WDPCP: variants seen among roughly 807,000 people sequenced by gnomAD.
The protein encoded by WDPCP is WD repeat-containing and planar cell polarity effector protein fritz homolog.
A neutral mutation model predicts 93.1 loss-of-function variants in WDPCP; 71 were observed. The observed-to-expected ratio is 0.76, with a 90% CI of 0.63 to 0.93. The LOEUF (loss-of-function observed/expected upper bound fraction) is 0.93, where lower values mean the gene tolerates loss of function less well. Ranked by LOEUF, WDPCP falls within the 40% of genes least tolerant of loss-of-function variation. The probability of loss-of-function intolerance (pLI) is 0.00; values close to 1 mark genes in which losing one functional copy is unlikely to be tolerated. For synonymous variants in WDPCP, 315 were observed against 315.0 expected (o/e 1.00, Z 0.00); for missense variants, 844 against 887.4 (o/e 0.95, Z 0.62).
intron 1 of WDPCP, among the ~76,000 whole-genome samples, chr2:63,532,446 G>T (rs1228071502): frequency 2.0e-5 from 3 of 152,110 alleles, no homozygotes; most frequent in Non-Finnish European, 4.4e-5. Context: ...AATATGTTAA[G>T]GGCAGCCAGA....
intron 12 of WDPCP, among the ~76,000 whole-genome samples, chr2:63,341,827 TTTTA>T (rs1688861211): frequency 6.6e-6 from 1 of 152,248 alleles, no homozygotes; most frequent in African/African-American, 2.4e-5. Context: ...TAGCATCTTA[TTTTA>T]TTTGTTATTA....
intron 10 of WDPCP, among the ~76,000 whole-genome samples, chr2:63,397,071 C>A (rs139153924): frequency 8.5e-5 from 13 of 152,070 alleles, no homozygotes; most frequent in Admixed American, 3.3e-4. Flanking sequence ...GGATTAACTG[C>A]GGAGTAGGAT....
chr2:63,263,453 A>G (rs796597526), intron 13 of WDPCP, among the ~76,000 whole-genome samples: 3 of 152,038 alleles, frequency 2.0e-5, no homozygotes, highest in South Asian at 4.1e-4. Context: ...ATTTGGCCCA[A>G]TTTCCTTTCT....
At chr2:63,335,772 T>C (rs1265147560) in intron 12 of WDPCP, among the ~76,000 whole-genome samples, 1 of 152,170 alleles carries the variant, frequency 6.6e-6, no homozygotes, top group East Asian at 1.9e-4. Flanking sequence ...TGAAACCTAC[T>C]GGGCTGCAAC....
chr2:63,240,289 T>G (rs754372486), intron 14 of WDPCP, among the ~76,000 whole-genome samples: 8 of 152,076 alleles, frequency 5.3e-5, no homozygotes, highest in Non-Finnish European at 8.8e-5. Flanking sequence ...GTGATCCTCC[T>G]ACCTCAGCCT....
chr2:63,378,524 CAT>C lies in WDPCP; in HGVS notation c.1625-17_1625-16del. On this transcript the variant is annotated splice_polypyrimidine_tract_variant and intron_variant, in intron 11 of 17. Coordinates refer to ENST00000272321, the MANE Select transcript of WDPCP (RefSeq NM_015910.7). ...CTCAAGCTGTGCTGTGGAATTCAAA[CAT>C]AGCAGCACTAAAACAAGTGAAAACT... The C allele has an allele frequency of 1.2e-6, 2 of 1,612,850 alleles. No homozygotes were observed. The highest frequency in any genetic ancestry group is 1.7e-6 in the Non-Finnish European group (2 of 1,179,186).
Position 63,670,341 on chromosome 2 carries a change from T to C in WDPCP, n.309-19503A>G, listed in dbSNP as rs550015242. Among the ~76,000 whole-genome samples, 16 of 152,274 alleles carry C rather than the reference T, an allele frequency of 1.1e-4. 1 individual carries two copies. Among genetic ancestry groups the C allele is most frequent in the African/African-American group, 3.6e-4 (15 of 41,538 alleles). ...TCTGGCTACAGAGCCCCTTTTCCTC[T>C]GTTCTCCCATCCCAGTGACTGCCCA... On this transcript the variant is annotated intron_variant and non_coding_transcript_variant, in intron 2 of 4. Coordinates refer to the WDPCP transcript ENST00000467687.
chr2:63,757,134 A>C (rs192302417), intron 2 of WDPCP, among the ~76,000 whole-genome samples: 48 of 152,332 alleles, frequency 3.2e-4, no homozygotes, highest in Admixed American at 7.8e-4. Flanking sequence ...TGTCCACTTT[A>C]GATTCAGTCA....
chr2:63,265,596 A>C (rs966409162), intron 13 of WDPCP, among the ~76,000 whole-genome samples: 3 of 152,210 alleles, frequency 2.0e-5, no homozygotes, highest in Non-Finnish European at 4.4e-5. Context: ...CTGAAAGAAA[A>C]AGTAAAACCA....
At chr2:63,340,766 GGTTGTTGTT>G (rs1688777219) in intron 12 of WDPCP, among the ~76,000 whole-genome samples, 1 of 152,056 alleles carries the variant, frequency 6.6e-6, no homozygotes, top group Non-Finnish European at 1.5e-5. Flanking sequence ...TTGAGTTCTG[GGTTGTTGTT>G]GGTAGAAATC....
chr2:63,599,223 A>G (rs1282682078), intron 3 of WDPCP: 1 of 1,613,816 alleles, frequency 6.2e-7, no homozygotes, highest in Admixed American at 1.7e-5. Flanking sequence ...CTTCCAAGTC[A>G]GCTCCATCCA....
intron 2 of WDPCP, among the ~76,000 whole-genome samples, chr2:63,802,168 G>A (rs539773723): frequency 6.6e-6 from 1 of 151,626 alleles, no homozygotes; most frequent in African/African-American, 2.4e-5. Context: ...AAAGTAGGCT[G>A]GGTATGGTGG....
chr2:63,274,040 G>A (rs1047887507), intron 13 of WDPCP, among the ~76,000 whole-genome samples: 6 of 152,068 alleles, frequency 3.9e-5, no homozygotes, highest in African/African-American at 9.7e-5. Context: ...CAACAGTTAC[G>A]AAATATGTAC....
rs762237513 is a variant in WDPCP at position 63,433,898 on chromosome 2, T to G, written c.672A>C (p.Thr224=). The G allele has an allele frequency of 6.2e-7, 1 of 1,614,004 alleles. No homozygotes were observed. The highest frequency in any genetic ancestry group is 1.1e-5 in the South Asian group (1 of 91,064). The change falls in exon 9 of 18, where the codon ACA becomes ACC. Residue 224 remains threonine, a synonymous_variant. Transcript: ENST00000272321. ...YYEIPGPINK[T]TERHLAINCV... ...AGTTGATAGCTAGATGTCGCTCTGT[T>G]GTCTTGTTTATTGGGCCGGGTATTT...
At chr2:63,632,255 A>C (rs1271873433) in intron 3 of WDPCP, among the ~76,000 whole-genome samples, 1 of 152,218 alleles carries the variant, frequency 6.6e-6, no homozygotes, top group African/African-American at 2.4e-5. Context: ...AGATATCAAC[A>C]TGAGAACAAC....
At chr2:63,732,489 TA>T (rs1188325993) in intron 2 of WDPCP, among the ~76,000 whole-genome samples, 1 of 152,162 alleles carries the variant, frequency 6.6e-6, no homozygotes, top group East Asian at 1.9e-4. Context: ...ATTGAGGACC[TA>T]AAAACTATAA....
At chr2:63,182,900 T>G (rs1383204496) in intron 14 of WDPCP, among the ~76,000 whole-genome samples, 1 of 151,670 alleles carries the variant, frequency 6.6e-6, no homozygotes, top group Non-Finnish European at 1.5e-5. Context: ...CAGGAATTTA[T>G]ATGTCTTCTA....
Position 63,421,669 on chromosome 2 carries a change from C to T in WDPCP, c.825+12076G>A, listed in dbSNP as rs191497279. On this transcript the variant is annotated intron_variant, in intron 9 of 17. Transcript: ENST00000272321. Reference sequence around the variant, plus strand: ...CATCCCTAATTCTGGAGAGTTGTCACGAGGAGTACTACAGATTTTTAATGT... The same window carrying T: ...CATCCCTAATTCTGGAGAGTTGTCATGAGGAGTACTACAGATTTTTAATGT... Among the ~76,000 whole-genome samples, 830 of 152,132 alleles carry T rather than the reference C, an allele frequency of 5.5e-3. 1 individual carries two copies. Among genetic ancestry groups the T allele is most frequent in the Middle Eastern group, 0.044 (13 of 294 alleles).
At chr2:63,416,444 C>A (rs1456352987) in intron 9 of WDPCP, among the ~76,000 whole-genome samples, 1 of 67,660 alleles carries the variant, frequency 1.5e-5, no homozygotes, top group Non-Finnish European at 3.6e-5. Flanking sequence ...AAGTGATCCA[C>A]CTGCCTCAAC....
Sources: allele counts gnomAD v4.1 joint callset (sites outside exome capture counted in the v4.1 genomes callset), GRCh38; gene constraint gnomAD v4.1.1; transcripts MANE v1.5; gene names NCBI Gene and HGNC (gene_info 2026-07-23, HGNC 2026-07-21).